The following ZNF366 variants were observed in gnomAD, a reference collection of about 807,000 sequenced individuals.
The protein encoded by ZNF366 is zinc finger protein 366.
A neutral mutation model predicts 47.2 loss-of-function variants in ZNF366; 20 were observed. The ratio of observed to expected loss-of-function variants is 0.42; its 90% CI spans 0.30 to 0.62. The LOEUF (loss-of-function observed/expected upper bound fraction) is 0.62, where lower values mean the gene tolerates loss of function less well. Ranked by LOEUF, ZNF366 falls within the 20% of genes least tolerant of loss-of-function variation. The pLI is 0.16. For synonymous variants in ZNF366, 421 were observed against 395.1 expected, an observed-to-expected ratio of 1.07 and a Z score of -0.78; for missense variants, 987 against 976.3, an observed-to-expected ratio of 1.01 and a Z score of -0.15.
intron 3 of ZNF366, 61 bp from the exon 4 acceptor site, chr5:72,447,478 C>A: frequency 6.3e-7 from 1 of 1,580,724 alleles, no homozygotes; most frequent in African/African-American, 1.3e-5. Context: ...CATCCAGGCC[C>A]CTGGAGCACA....
chr5:72,499,780 T>A (rs1041291465), intron 1 of ZNF366, among the ~76,000 whole-genome samples: 1 of 152,088 alleles, frequency 6.6e-6, no homozygotes, highest in African/African-American at 2.4e-5. Context: ...TAAACAGCGC[T>A]GAAAACCTGA....
chr5:72,461,112 T>A lies in ZNF366; in HGVS notation c.385A>T (p.Ile129Phe). ...PPRPKYDSQMIDLCNVGFQFY... is the reference protein window; with the variant it reads ...PPRPKYDSQMFDLCNVGFQFY... ...TGGAAGCCCACGTTGCACAGGTCGA[T>A]CATCTGAGAGTCATACTTGGGGCGC... The change falls in exon 2 of 5, where the codon ATC becomes TTC. Residue 129 changes from isoleucine to phenylalanine, a missense_variant. By Grantham distance (21) the Ile-to-Phe change is conservative. Around this residue, in one of 3 missense-constraint regions of ZNF366, gnomAD observed 591 missense variants for 560.9 expected, o/e 1.05. Coordinates refer to ENST00000318442, the MANE Select transcript of ZNF366 (RefSeq NM_152625.3). The A allele has an allele frequency of 6.2e-7, 1 of 1,613,994 alleles. No individual in the cohort carries two copies. Among genetic ancestry groups the A allele is most frequent in the Non-Finnish European group, 8.5e-7 (1 of 1,179,998 alleles).
intron 1 of ZNF366, among the ~76,000 whole-genome samples, chr5:72,505,215 G>T (rs148575780): frequency 0.01 from 1,523 of 152,206 alleles, 34 homozygotes; most frequent in Non-Finnish European, 9.6e-3. Flanking sequence ...TCACACACTG[G>T]AAGTTTCCAC....
intron 1 of ZNF366, among the ~76,000 whole-genome samples, chr5:72,466,091 T>C (rs1388123369): frequency 6.6e-6 from 1 of 152,178 alleles, no homozygotes; most frequent in African/African-American, 2.4e-5. Flanking sequence ...CTGAAGCTCT[T>C]GATCATGACT....
In ZNF366 at chr5:72,484,495, A is replaced by AT. The variant is rs1554032910; in HGVS notation, c.-15+22755_-15+22756insA. ...CGAGACTCCGTCTCAAAAAAAAAAAAAATAATAATAATAATAATAATTTCA... is the reference window on the plus strand; with the variant it reads ...CGAGACTCCGTCTCAAAAAAAAAAAATAATAATAATAATAATAATAATTTCA... On this transcript the variant is annotated intron_variant, in intron 1 of 4. Coordinates refer to ENST00000318442, the MANE Select transcript of ZNF366 (RefSeq NM_152625.3). Among the ~76,000 whole-genome samples the AT allele has an allele frequency of 1.6e-3, 234 of 145,842 alleles. 1 individual carries two copies. Among genetic ancestry groups the AT allele is most frequent in the African/African-American group, 5.6e-3 (220 of 39,182 alleles).
At chr5:72,485,554 G>A (rs76621618) in intron 1 of ZNF366, among the ~76,000 whole-genome samples, 2,030 of 152,216 alleles carry the variant, frequency 0.013, 34 homozygotes, top group African/African-American at 0.047. Context: ...TGGTCAGGCC[G>A]CCAGAGGTTC....
intron 4 of ZNF366, among the ~76,000 whole-genome samples, chr5:72,445,076 AG>A (rs1742932395): frequency 1.3e-5 from 2 of 152,336 alleles, no homozygotes; most frequent in South Asian, 4.1e-4. Flanking sequence ...ACTCATAGAC[AG>A]GGTAGAGATG....
intron 3 of ZNF366, among the ~76,000 whole-genome samples, chr5:72,455,340 C>G (rs1743156571): frequency 6.6e-6 from 1 of 152,172 alleles, no homozygotes; most frequent in African/African-American, 2.4e-5. Flanking sequence ...GGAACAGTCC[C>G]TGGAAACAGG....
At chr5:72,479,303 C>A (rs1300279906) in intron 1 of ZNF366, among the ~76,000 whole-genome samples, 6 of 152,104 alleles carry the variant, frequency 3.9e-5, no homozygotes, top group Admixed American at 3.9e-4. Flanking sequence ...TGGCTTACAC[C>A]TGTAATCCCA....
chr5:72,460,756 G>A lies in ZNF366; in HGVS notation c.741C>T (p.Gly247=), dbSNP rs776841489. 2.5e-6 allele frequency: 4 copies of A among 1,614,094 alleles called. No homozygotes were observed. The highest frequency in any genetic ancestry group is 1.3e-5 in the African/African-American group (1 of 74,938). ...QIDDSYYVDV[G]GSQKRWQCPT... ...GGCACTGCCAGCGCTTCTGCGAGCC[G>A]CCCACGTCCACGTAGTAGCTGTCAT... Residue 247 remains glycine (G), a synonymous_variant, in exon 2 of 5, where the codon GGC becomes GGT. Coordinates refer to ENST00000318442, the MANE Select transcript of ZNF366 (RefSeq NM_152625.3).
intron 1 of ZNF366, among the ~76,000 whole-genome samples, chr5:72,490,497 C>T (rs2112350988): frequency 6.6e-6 from 1 of 152,242 alleles, no homozygotes; most frequent in Non-Finnish European, 1.5e-5. Context: ...GGAGAGGAGA[C>T]ATGCTGAAAG....
At chr5:72,495,544 T>G (rs1043358649) in intron 1 of ZNF366, among the ~76,000 whole-genome samples, 1 of 152,150 alleles carries the variant, frequency 6.6e-6, no homozygotes, top group Non-Finnish European at 1.5e-5. Flanking sequence ...TTTTACATAT[T>G]TGACAAGAGA....
intron 3 of ZNF366, among the ~76,000 whole-genome samples, chr5:72,448,812 C>A (rs1263108163): frequency 6.6e-6 from 1 of 151,980 alleles, no homozygotes; most frequent in Non-Finnish European, 1.5e-5. Context: ...GTAGATAGAC[C>A]TCTCAAATGA....
intron 4 of ZNF366, 90 bp from the exon 5 acceptor site, chr5:72,444,381 G>GT: frequency 7.4e-7 from 1 of 1,353,720 alleles, no homozygotes; most frequent in Middle Eastern, 2.7e-4. Context: ...GCCGTTTAAT[G>GT]TATTCCGATG....
At position 72,493,547 on chromosome 5, in the gene ZNF366, G is replaced by A. The variant is rs1406613523; in HGVS notation, c.-15+13704C>T. On this transcript the variant is annotated intron_variant, in intron 1 of 4. Transcript: ENST00000318442. ...TAGGTAGCAATTGAAGAATAAAAAT[G>A]TTCTTTGCTGTCAGAAGACCTAGAT... The A allele has an allele frequency of 3.3e-5, 5 of 152,110 alleles. No homozygotes were observed. The East Asian group carries it at 5.8e-4, about 18-fold the overall frequency. 9.4% of individuals were successfully genotyped at this position (152,110 alleles called of 1,614,324 possible). A position where few individuals can be genotyped will look rare whatever the true frequency, so the allele number is the denominator to read the frequency against.
Position 72,461,402 on chromosome 5 carries a change from A to T in ZNF366, c.95T>A (p.Val32Glu). The T allele has an allele frequency of 1.2e-6, 2 of 1,613,672 alleles. No homozygotes were observed. Among genetic ancestry groups the T allele is most frequent in the Non-Finnish European group, 8.5e-7 (1 of 1,179,672 alleles). ...TTGGGGAGCCTTTCCCCGAGAAGCCACTGGCTGCAGGCAGTGGGGAAAGGA... is the reference window on the plus strand; with the variant it reads ...TTGGGGAGCCTTTCCCCGAGAAGCCTCTGGCTGCAGGCAGTGGGGAAAGGA... The part of the protein sequence containing the change: ...TPSFPHCLQP[V>E]ASRGKAPQRH... Residue 32 changes from valine (V) to glutamate (E), a missense_variant, in exon 2 of 5, where the codon GTG (valine) becomes GAG (glutamate). Around this residue, in one of 3 missense-constraint regions of ZNF366, gnomAD observed 591 missense variants for 560.9 expected, o/e 1.05. Coordinates refer to ENST00000318442, the MANE Select transcript of ZNF366 (RefSeq NM_152625.3).
Position 72,442,082 on chromosome 5 carries a change from A to G in ZNF366, c.*1674T>C, listed in dbSNP as rs1742864693. 2 of 152,216 alleles carry G rather than the reference A, an allele frequency of 1.3e-5. No homozygotes were observed. The allele number at this position is 152,216 out of a possible 1,614,324, so 9.4% of individuals were successfully genotyped here. On this transcript the variant is annotated 3_prime_UTR_variant, in exon 5 of 5. Transcript: ENST00000318442. ...CATAGTAAGTGACCATAAACATCAC[A>G]GGCATCATCTTCTAGTATAATGTAA... is the stretch of plus-strand genomic sequence containing the variant.
chr5:72,466,750 C>T (rs996665371), intron 1 of ZNF366, among the ~76,000 whole-genome samples: 1 of 152,142 alleles, frequency 6.6e-6, no homozygotes, highest in African/African-American at 2.4e-5. Flanking sequence ...TCGATATTTC[C>T]CTAATGAAAT....
At chr5:72,483,176 T>A (rs1286945869) in intron 1 of ZNF366, among the ~76,000 whole-genome samples, 1 of 152,158 alleles carries the variant, frequency 6.6e-6, no homozygotes, top group Non-Finnish European at 1.5e-5. Flanking sequence ...CCTGAAGGTG[T>A]CAATCCTGCA....
Sources: gnomAD v4.1 joint callset for allele counts (sites outside exome capture counted in the v4.1 genomes callset) on GRCh38, gnomAD v4.1.1 for gene constraint, gnomAD v4.1.1 regional missense constraint, MANE v1.5 for transcripts, NCBI Gene and HGNC (gene_info 2026-07-23, HGNC 2026-07-21) for gene names.